The following PTPRN2 variants were observed in gnomAD, a reference collection of about 807,000 sequenced individuals.
PTPRN2 encodes protein tyrosine phosphatase receptor type N2.
A neutral mutation model predicts 118.8 loss-of-function variants in PTPRN2; 74 were observed. That is an observed-to-expected ratio of 0.62 (90% CI 0.52 to 0.76). The LOEUF is 0.76. PTPRN2 is among the 30% of genes least tolerant of loss of function. PTPRN2 has a pLI of 0.00. For synonymous variants in PTPRN2, 641 were observed against 608.0 expected, an observed-to-expected ratio of 1.05 and a Z score of -0.80; for missense variants, 1,481 against 1,394.4, an observed-to-expected ratio of 1.06 and a Z score of -0.99.
intron 6 of PTPRN2, among the ~76,000 whole-genome samples, chr7:158,145,455 G>T (rs1007622037): frequency 6.6e-6 from 1 of 152,208 alleles, no homozygotes; most frequent in African/African-American, 2.4e-5. Context: ...TACTTGTATC[G>T]ACAGAGAGCA....
At chr7:158,557,236 C>G (rs562840238) in intron 1 of PTPRN2, among the ~76,000 whole-genome samples, 8 of 139,026 alleles carry the variant, frequency 5.8e-5, no homozygotes, top group Non-Finnish European at 1.1e-4. Flanking sequence ...AGAGGGCTCC[C>G]GTGCAGGTCA....
In PTPRN2 at chr7:157,610,709, A is replaced by G. The variant is rs1467856174; in HGVS notation, c.2345-6634T>C. 6.6e-6 allele frequency among the ~76,000 whole-genome samples: 1 copy of G among 152,202 alleles called. No homozygotes were observed. The highest frequency in any genetic ancestry group is 1.5e-5 in the Non-Finnish European group (1 of 68,032). On this transcript the variant is annotated intron_variant, in intron 15 of 22. Coordinates refer to ENST00000389418, the MANE Select transcript of PTPRN2 (RefSeq NM_002847.5). The surrounding 1 kb of genome is among the most constrained non-coding windows in gnomAD (Gnocchi z 5.1). ...TTGTTTCAATACTCTGAGAAGCTAC[A>G]TGGGCTTGATTCTTTGCAGACCTGG... is the stretch of plus-strand genomic sequence containing the variant.
At chr7:158,000,477 C>G (rs1025878884) in intron 11 of PTPRN2, among the ~76,000 whole-genome samples, 3 of 152,018 alleles carry the variant, frequency 2.0e-5, no homozygotes, top group Admixed American at 6.5e-5. Flanking sequence ...GCCCTGCACA[C>G]CTTTCCTTCT....
chr7:158,573,566 C>T (rs1828159754), intron 1 of PTPRN2, among the ~76,000 whole-genome samples: 1 of 152,058 alleles, frequency 6.6e-6, no homozygotes, highest in African/African-American at 2.4e-5. Context: ...ACCAAGAGCT[C>T]GGGTCTCTGT....
chr7:158,336,626 A>C (rs28667712), intron 2 of PTPRN2, among the ~76,000 whole-genome samples: 75,236 of 95,194 alleles, frequency 0.79, 27,961 homozygotes, highest in African/African-American at 0.86. Flanking sequence ...TTGGTGACAC[A>C]TGCAGACGTC....
intron 14 of PTPRN2, 60 bp downstream of exon 14, chr7:157,656,297 G>T: frequency 6.8e-7 from 1 of 1,468,454 alleles, no homozygotes. Context: ...GGGTGTTGCA[G>T]GGGCCGAGGA....
At chr7:158,177,463 T>C (rs1327839829) in intron 5 of PTPRN2, among the ~76,000 whole-genome samples, 1 of 152,178 alleles carries the variant, frequency 6.6e-6, no homozygotes, top group Non-Finnish European at 1.5e-5. Flanking sequence ...TGACATACAA[T>C]AAACAGTACA....
chr7:158,229,916 C>T (rs1829055100), intron 3 of PTPRN2, among the ~76,000 whole-genome samples: 1 of 151,118 alleles, frequency 6.6e-6, no homozygotes, highest in African/African-American at 2.4e-5. Flanking sequence ...ACAGATTTGA[C>T]CCAAATAAGA....
chr7:157,576,842 G>A (rs1372782240), intron 18 of PTPRN2, 63 bp from the exon 19 acceptor site: 14 of 1,451,992 alleles, frequency 9.6e-6, no homozygotes, highest in Non-Finnish European at 1.3e-5. Flanking sequence ...CCGAACCTCA[G>A]GCACTGAGGA....
chr7:158,367,730 T>C lies in PTPRN2; in HGVS notation c.164-50798A>G, dbSNP rs191163153. Among the ~76,000 whole-genome samples, 798 of 152,342 alleles carry C rather than the reference T, an allele frequency of 5.2e-3. 6 individuals carry two copies. Among genetic ancestry groups the C allele is most frequent in the Middle Eastern group, 0.034 (10 of 294 alleles). Reference sequence around the variant, plus strand: ...AAAAATAAGCTCTTGAACCCATCCATGGCTATCAGAATGAAGGAAAAGTCG... The same window carrying C: ...AAAAATAAGCTCTTGAACCCATCCACGGCTATCAGAATGAAGGAAAAGTCG... On this transcript the variant is annotated intron_variant, in intron 2 of 22. Transcript: ENST00000389418.
chr7:157,804,708 G>A (rs551710806), intron 12 of PTPRN2, among the ~76,000 whole-genome samples: 9 of 152,306 alleles, frequency 5.9e-5, no homozygotes, highest in African/African-American at 2.2e-4. Context: ...TGGGTGACCA[G>A]TAGGTGATGC....
At chr7:157,599,614 T>C (rs1287449397) in intron 16 of PTPRN2, among the ~76,000 whole-genome samples, 1 of 152,214 alleles carries the variant, frequency 6.6e-6, no homozygotes, top group African/African-American at 2.4e-5. Flanking sequence ...CTGGACTGTG[T>C]CCTGCAGTCC....
intron 19 of PTPRN2, 94 bp downstream of exon 19, chr7:157,576,495 GCGGCGCCGACACAGACGCGGCCCT>G: frequency 9.1e-7 from 1 of 1,098,832 alleles, no homozygotes; most frequent in East Asian, 2.7e-5. Context: ...CCTCCCCCCT[GCGGCGCCGACACAGACGCGGCCCT>G]CGGCGCCAGG....
chr7:158,280,787 T>A (rs1391922025), intron 3 of PTPRN2, among the ~76,000 whole-genome samples: 1 of 152,230 alleles, frequency 6.6e-6, no homozygotes, highest in Non-Finnish European at 1.5e-5. Flanking sequence ...AGAGCTCAAC[T>A]GTCTAAAGTA....
At chr7:158,328,972 G>C (rs1345234423) in intron 2 of PTPRN2, among the ~76,000 whole-genome samples, 2 of 151,848 alleles carry the variant, frequency 1.3e-5, no homozygotes, top group Non-Finnish European at 2.9e-5. Context: ...AGTGATGTCT[G>C]CAAGCATCAG....
At chr7:158,320,870 G>A (rs1382067586) in intron 2 of PTPRN2, among the ~76,000 whole-genome samples, 1 of 152,126 alleles carries the variant, frequency 6.6e-6, no homozygotes, top group Non-Finnish European at 1.5e-5. Flanking sequence ...GGGGATACTG[G>A]ATTCCCCCAA....
rs113626101 is a variant in PTPRN2, at chr7:158,564,532, G to A, written c.112+23026C>T. Among the ~76,000 whole-genome samples, 790 of 152,350 alleles carry A rather than the reference G, an allele frequency of 5.2e-3. 3 individuals are homozygous for A. Among genetic ancestry groups the A allele is most frequent in the African/African-American group, 0.018 (752 of 41,572 alleles). On this transcript the variant is annotated intron_variant, in intron 1 of 22. Coordinates refer to ENST00000389418, the MANE Select transcript of PTPRN2 (RefSeq NM_002847.5). ...TGCTCCTGAAGCATGGAACCAACAC[G>A]AAGCAGCACGGGGCTAGGCAGTTGC...
intron 1 of PTPRN2, among the ~76,000 whole-genome samples, chr7:158,518,843 G>A (rs1312016498): frequency 6.6e-6 from 1 of 152,086 alleles, no homozygotes; most frequent in Non-Finnish European, 1.5e-5. Context: ...AAATTAGCTG[G>A]GCATGTTGCT....
chr7:158,091,149 C>A (rs1814088596), intron 10 of PTPRN2, among the ~76,000 whole-genome samples: 1 of 152,166 alleles, frequency 6.6e-6, no homozygotes, highest in Non-Finnish European at 1.5e-5. Context: ...TTATTTGTAT[C>A]AAGTCAACCT....
Sources: gnomAD v4.1 joint callset for allele counts (sites outside exome capture counted in the v4.1 genomes callset) on GRCh38, gnomAD v4.1.1 for gene constraint, Gnocchi (gnomAD v3.1) non-coding constraint, MANE v1.5 for transcripts, NCBI Gene and HGNC (gene_info 2026-07-23, HGNC 2026-07-21) for gene names.